Variants in MLLT3 observed in about 807,000 individuals in gnomAD.
The protein encoded by MLLT3 is MLLT3 super elongation complex subunit.
MLLT3 carries 4 observed loss-of-function variants against 53.2 expected under a neutral mutation model. The observed-to-expected ratio is 0.08, with a 90% confidence interval of 0.04 to 0.17. The LOEUF (loss-of-function observed/expected upper bound fraction) is 0.17. Ranked by LOEUF, MLLT3 falls within the 10% of genes least tolerant of loss-of-function variation. The pLI, the probability that MLLT3 is intolerant of heterozygous loss-of-function variation, is 1.00. For synonymous variants in MLLT3, 283 were observed against 230.6 expected, an observed-to-expected ratio of 1.23 and a Z score of -2.06; for missense variants, 569 against 684.0, an observed-to-expected ratio of 0.83 and a Z score of 1.87.
chr9:20,563,367 G>A (rs951662545), intron 2 of MLLT3, among the ~76,000 whole-genome samples: 10 of 151,456 alleles, frequency 6.6e-5, no homozygotes, highest in African/African-American at 1.7e-4. Context: ...TAATCTTACC[G>A]TCCTAAAGCC....
intron 2 of MLLT3, among the ~76,000 whole-genome samples, chr9:20,617,142 G>C (rs148750512): frequency 6.6e-6 from 1 of 152,272 alleles, no homozygotes; most frequent in African/African-American, 2.4e-5. Context: ...TATCAGAACA[G>C]TCACTCATCT....
Position 20,346,222 on chromosome 9 carries a change from C to T in MLLT3, c.*221G>A, listed in dbSNP as rs529533164. 1.4e-4 allele frequency: 58 copies of T among 428,934 alleles called. No individual in the cohort carries two copies. Among genetic ancestry groups the T allele is most frequent in the African/African-American group, 9.9e-4 (49 of 49,608 alleles). The allele number at this position is 428,934 out of a possible 1,614,324, so 26.6% of individuals were successfully genotyped here. On this transcript the variant is annotated 3_prime_UTR_variant, in exon 11 of 11. Transcript: ENST00000380338. The stretch of plus-strand genomic sequence containing the variant: ...GATTTCCTTGGAGAGAAGAGTGGTC[C>T]GCTGAGGCTGGTTTGCTTTAACCTC...
intron 4 of MLLT3, among the ~76,000 whole-genome samples, chr9:20,442,744 T>C (rs1364504113): frequency 3.3e-5 from 5 of 152,164 alleles, no homozygotes. Flanking sequence ...TGAATTTCAC[T>C]TGACAATAAG....
intron 2 of MLLT3, among the ~76,000 whole-genome samples, chr9:20,537,467 C>T (rs1002166501): frequency 3.9e-5 from 6 of 152,140 alleles, no homozygotes; most frequent in Admixed American, 2.6e-4. Flanking sequence ...CCTTCATAAA[C>T]ATCTTGAGTC....
chr9:20,511,449 T>G (rs1003571086), intron 2 of MLLT3, among the ~76,000 whole-genome samples: 4 of 152,226 alleles, frequency 2.6e-5, no homozygotes, highest in African/African-American at 9.6e-5. Flanking sequence ...AGTTACAAGC[T>G]GGAATCTTTA....
intron 2 of MLLT3, among the ~76,000 whole-genome samples, chr9:20,530,174 G>A (rs1048257120): frequency 6.6e-6 from 1 of 152,122 alleles, no homozygotes; most frequent in Non-Finnish European, 1.5e-5. Flanking sequence ...ATGAATAACT[G>A]CAAAGGTGGC....
At chr9:20,426,972 C>T (rs1823153465) in intron 4 of MLLT3, among the ~76,000 whole-genome samples, 1 of 151,844 alleles carries the variant, frequency 6.6e-6, no homozygotes, top group African/African-American at 2.4e-5. Context: ...AGACCTAAAC[C>T]TCAGAGTCTC....
At chr9:20,611,090 T>C (rs927131829) in intron 2 of MLLT3, among the ~76,000 whole-genome samples, 3 of 152,156 alleles carry the variant, frequency 2.0e-5, no homozygotes. Context: ...ATTATTCATA[T>C]TAATGAAGTA....
intron 2 of MLLT3, among the ~76,000 whole-genome samples, chr9:20,489,858 G>C (rs112279072): frequency 0.025 from 3,820 of 152,212 alleles, 153 homozygotes; most frequent in African/African-American, 0.086. Flanking sequence ...AATTTTCCAA[G>C]CAGGTGCCAG....
rs149451745 is a variant in MLLT3, at chr9:20,591,359, A to G, written c.193+29295T>C. Among the ~76,000 whole-genome samples, 1,329 of 152,270 alleles carry G rather than the reference A, an allele frequency of 8.7e-3. 14 individuals are homozygous for G. The highest frequency in any genetic ancestry group is 0.011 in the Non-Finnish European group (739 of 68,016). On this transcript the variant is annotated intron_variant, in intron 2 of 10. Coordinates refer to ENST00000380338, the MANE Select transcript of MLLT3 (RefSeq NM_004529.4). ...AAGGTTCCCAGTCAATAGGTCTCAG[A>G]TAGTGTGGAGGAAGCATTTTTAACA...
intron 2 of MLLT3, among the ~76,000 whole-genome samples, chr9:20,597,986 T>C (rs927274357): frequency 3.9e-5 from 6 of 152,212 alleles, no homozygotes; most frequent in African/African-American, 9.6e-5. Context: ...TTCTAAATAA[T>C]TGTTAATTTA....
chr9:20,358,118 A>G (rs892837519), intron 8 of MLLT3, among the ~76,000 whole-genome samples: 3 of 152,138 alleles, frequency 2.0e-5, no homozygotes, highest in African/African-American at 7.2e-5. Flanking sequence ...GAATTAAGAT[A>G]TACTAGTAAT....
At chr9:20,360,219 G>A (rs1177448808) in intron 8 of MLLT3, among the ~76,000 whole-genome samples, 4 of 152,152 alleles carry the variant, frequency 2.6e-5, no homozygotes, top group Non-Finnish European at 4.4e-5. Flanking sequence ...ACCATCAACT[G>A]AGTGCCAAGG....
intron 2 of MLLT3, among the ~76,000 whole-genome samples, chr9:20,514,939 A>ATTTTTTTTTTTTTTTTTTTT (rs35816235): frequency 1.1e-5 from 1 of 88,734 alleles, no homozygotes. Context: ...TGAAGGAACA[A>ATTTTTTTTTTTTTTTTTTTT]TTTTTTTTTT....
intron 7 of MLLT3, chr9:20,362,945 T>C (rs1821362655): frequency 6.6e-6 from 1 of 152,182 alleles, no homozygotes; most frequent in Non-Finnish European, 1.5e-5. Context: ...TGAATTACCA[T>C]CTTATAACAT....
intron 8 of MLLT3, 151 bp downstream of exon 8, chr9:20,360,591 T>C: frequency 3.1e-6 from 2 of 647,102 alleles, no homozygotes; most frequent in East Asian, 5.6e-5. Context: ...CCTAACTATG[T>C]GTTTATTCCA....
intron 2 of MLLT3, among the ~76,000 whole-genome samples, chr9:20,596,033 G>T (rs914632610): frequency 6.6e-6 from 1 of 152,164 alleles, no homozygotes; most frequent in Non-Finnish European, 1.5e-5. Context: ...CAGTACTGCT[G>T]CAGGGTATAA....
chr9:20,397,397 T>A (rs1001927644), intron 5 of MLLT3, among the ~76,000 whole-genome samples: 3 of 152,164 alleles, frequency 2.0e-5, no homozygotes, highest in Non-Finnish European at 2.9e-5. Flanking sequence ...AAGTACACAG[T>A]ATAAGCTAGC....
At chr9:20,562,174 T>A (rs1220920433) in intron 2 of MLLT3, among the ~76,000 whole-genome samples, 5 of 152,170 alleles carry the variant, frequency 3.3e-5, no homozygotes, top group African/African-American at 1.2e-4. Context: ...AAAAGGGCTA[T>A]TATACTAAGT....
Sources: allele counts gnomAD v4.1 joint callset (sites outside exome capture counted in the v4.1 genomes callset), GRCh38; gene constraint gnomAD v4.1.1; transcripts MANE v1.5; gene names NCBI Gene and HGNC (gene_info 2026-07-23, HGNC 2026-07-21).